Variants in SKAP2 observed in about 807,000 individuals in gnomAD.
The protein encoded by SKAP2 is src kinase-associated phosphoprotein 2.
A neutral mutation model predicts 54.9 loss-of-function variants in SKAP2; 28 were observed. That is an observed-to-expected ratio of 0.51 (90% CI 0.38 to 0.70). SKAP2 has a LOEUF of 0.70. SKAP2 is among the 30% of genes least tolerant of loss of function. The pLI is 0.00. For synonymous variants in SKAP2, 137 were observed against 134.3 expected, an observed-to-expected ratio of 1.02 and a Z score of -0.14; for missense variants, 356 against 424.1, an observed-to-expected ratio of 0.84 and a Z score of 1.41.
Position 26,864,493 on chromosome 7 carries a change from C to G in SKAP2, c.-64G>C. On this transcript the variant is annotated 5_prime_UTR_variant, in exon 1 of 13. Transcript: ENST00000345317. ...TGAAAAGGTGACCGACGGGGTGGGG[C>G]TGCGGCTGCGACCTAGACTCAGGCT... 1 of 1,539,994 alleles carries G rather than the reference C, an allele frequency of 6.5e-7. No individual in the cohort carries two copies. The highest frequency in any genetic ancestry group is 2.3e-5 in the East Asian group (1 of 42,640).
chr7:26,806,810 T>G (rs1240693811), intron 4 of SKAP2, among the ~76,000 whole-genome samples: 1 of 152,158 alleles, frequency 6.6e-6, no homozygotes, highest in Non-Finnish European at 1.5e-5. Context: ...CTCAATTCTA[T>G]GAAGACTGAG....
chr7:26,688,548 A>G (rs370412034), intron 10 of SKAP2, among the ~76,000 whole-genome samples: 4 of 152,208 alleles, frequency 2.6e-5, no homozygotes, highest in East Asian at 1.9e-4. Context: ...CTAGTGTTAC[A>G]TCTTTGACAG....
At chr7:26,700,802 T>C (rs1322747443) in intron 9 of SKAP2, among the ~76,000 whole-genome samples, 1 of 152,246 alleles carries the variant, frequency 6.6e-6, no homozygotes, top group Non-Finnish European at 1.5e-5. Flanking sequence ...TTGAAGTTTA[T>C]AATACAATTG....
chr7:26,740,473 A>G (rs1314498418), intron 4 of SKAP2, among the ~76,000 whole-genome samples: 1 of 152,196 alleles, frequency 6.6e-6, no homozygotes, highest in Non-Finnish European at 1.5e-5. Context: ...TGTTATGGAC[A>G]TTCCACTGAG....
chr7:26,840,532 A>G (rs993260365), intron 4 of SKAP2, among the ~76,000 whole-genome samples: 2 of 152,124 alleles, frequency 1.3e-5, no homozygotes, highest in South Asian at 2.1e-4. Flanking sequence ...TAAACATTTT[A>G]AAGTGTACAG....
intron 10 of SKAP2, among the ~76,000 whole-genome samples, chr7:26,688,123 G>A (rs1341481872): frequency 1.3e-5 from 2 of 152,096 alleles, no homozygotes; most frequent in Admixed American, 1.3e-4. Flanking sequence ...GTAGACAGAG[G>A]AGATACTTTG....
intron 9 of SKAP2, among the ~76,000 whole-genome samples, chr7:26,722,690 T>C (rs1787604212): frequency 6.6e-6 from 1 of 152,164 alleles, no homozygotes; most frequent in Non-Finnish European, 1.5e-5. Context: ...ATTACAGGCG[T>C]GAGCCACTGC....
chr7:26,746,512 T>A (rs1782562273), intron 4 of SKAP2: 1 of 152,088 alleles, frequency 6.6e-6, no homozygotes, highest in Non-Finnish European at 1.5e-5. Flanking sequence ...ATAAAATATT[T>A]TAGTGGTGTG....
At position 26,771,352 on chromosome 7, in the gene SKAP2, C is replaced by T. The variant is rs552887090; in HGVS notation, c.308-31388G>A. On this transcript the variant is annotated intron_variant, in intron 4 of 12. Transcript: ENST00000345317. ...ATTTGAACTGTTGTCCAAATTTAGC[C>T]TTGGTTTAAAGGGAAGAGAAGTCAA... Among the ~76,000 whole-genome samples the T allele has an allele frequency of 2.0e-5, 3 of 152,228 alleles. No individual in the cohort carries two copies. In the East Asian group the frequency reaches 5.8e-4, roughly 29 times the overall value.
At chr7:26,683,229 A>G (rs991392953) in intron 11 of SKAP2, among the ~76,000 whole-genome samples, 9 of 152,214 alleles carry the variant, frequency 5.9e-5, no homozygotes, top group Non-Finnish European at 1.3e-4. Flanking sequence ...GAAACTAATC[A>G]GTTTGATTTC....
Position 26,774,110 on chromosome 7 carries a change from C to T in SKAP2, c.308-34146G>A, listed in dbSNP as rs945837917. Among the ~76,000 whole-genome samples, 14 of 152,024 alleles carry T rather than the reference C, an allele frequency of 9.2e-5. 1 individual carries two copies. The highest frequency in any genetic ancestry group is 2.0e-4 in the Admixed American group (3 of 15,256). On this transcript the variant is annotated intron_variant, in intron 4 of 12. Transcript: ENST00000345317. ...GGTGGATCACTTGAAGTCAGGAGTT[C>T]GAGATCAGCCTGGCCAACATGGTGA...
chr7:26,738,282 G>A (rs1344950043), intron 6 of SKAP2, among the ~76,000 whole-genome samples: 1 of 152,152 alleles, frequency 6.6e-6, no homozygotes, highest in African/African-American at 2.4e-5. Flanking sequence ...AGTTAACATA[G>A]CTAACGTACT....
At chr7:26,685,653 CTGAT>C (rs907800153) in intron 10 of SKAP2, among the ~76,000 whole-genome samples, 63 of 152,138 alleles carry the variant, frequency 4.1e-4, no homozygotes, top group African/African-American at 1.4e-3. Context: ...AGACCATTAA[CTGAT>C]TGATTATTTA....
intron 11 of SKAP2, among the ~76,000 whole-genome samples, chr7:26,671,277 T>C (rs1198203990): frequency 6.6e-6 from 1 of 152,094 alleles, no homozygotes; most frequent in Non-Finnish European, 1.5e-5. Context: ...ATAAGATAAA[T>C]TTTCAAAATC....
Position 26,668,057 on chromosome 7 carries a change from T to G in SKAP2, c.*1609A>C, listed in dbSNP as rs551799011. 1.3e-3 allele frequency: 198 copies of G among 152,200 alleles called. No individual in the cohort carries two copies. Among genetic ancestry groups the G allele is most frequent in the African/African-American group, 4.5e-3 (188 of 41,544 alleles). 9.4% of individuals were successfully genotyped at this position (152,200 alleles called of 1,614,324 possible). The stretch of plus-strand genomic sequence containing the variant: ...CACAATCCCTAAAATCAAATTTCTT[T>G]TTTTTTTTCACATTTGAGATTGGAT... On this transcript the variant is annotated 3_prime_UTR_variant, in exon 13 of 13. Coordinates refer to ENST00000345317, the MANE Select transcript of SKAP2 (RefSeq NM_003930.5).
chr7:26,806,850 A>C (rs926729713), intron 4 of SKAP2, among the ~76,000 whole-genome samples: 3 of 152,200 alleles, frequency 2.0e-5, no homozygotes, highest in African/African-American at 4.8e-5. Context: ...GAAAAGTTGA[A>C]ATCTAGCAGA....
At chr7:26,746,536 A>C (rs1782562871) in intron 4 of SKAP2, 1 of 152,008 alleles carries the variant, frequency 6.6e-6, no homozygotes. Flanking sequence ...CATATCCAGA[A>C]GCTTAGCTGT....
intron 10 of SKAP2, among the ~76,000 whole-genome samples, chr7:26,686,720 G>A (rs1786650718): frequency 1.3e-5 from 2 of 152,178 alleles, no homozygotes; most frequent in African/African-American, 2.4e-5. Context: ...TGGGTCAAAT[G>A]TTGTGCCCCT....
At chr7:26,743,832 A>T (rs1034023558) in intron 4 of SKAP2, among the ~76,000 whole-genome samples, 23 of 152,216 alleles carry the variant, frequency 1.5e-4, no homozygotes, top group African/African-American at 5.3e-4. Context: ...CAAATAAACA[A>T]GTATCAAGTG....
Sources: gnomAD v4.1 joint callset for allele counts (sites outside exome capture counted in the v4.1 genomes callset) on GRCh38, gnomAD v4.1.1 for gene constraint, MANE v1.5 for transcripts, NCBI Gene and HGNC (gene_info 2026-07-23, HGNC 2026-07-21) for gene names.